Variants in FTO observed in about 807,000 individuals in gnomAD.
The protein encoded by FTO is FTO alpha-ketoglutarate dependent dioxygenase.
Under a neutral mutation model 63.9 loss-of-function variants are expected in FTO, and 47 were observed. That is an observed-to-expected ratio of 0.74 (90% CI 0.58 to 0.94). The LOEUF is 0.94. FTO is among the 40% of genes least tolerant of loss of function. The pLI, the probability that FTO is intolerant of heterozygous loss-of-function variation, is 0.00. For synonymous variants in FTO, 207 were observed against 224.4 expected (o/e 0.92, Z 0.69); for missense variants, 562 against 618.1 (o/e 0.91, Z 0.96).
At chr16:53,750,229 C>A (rs1197123238) in intron 1 of FTO, among the ~76,000 whole-genome samples, 2 of 151,360 alleles carry the variant, frequency 1.3e-5, no homozygotes, top group Non-Finnish European at 2.9e-5. Context: ...TTTTCTTTTT[C>A]TTTTTCTTTT....
intron 8 of FTO, among the ~76,000 whole-genome samples, chr16:54,087,108 G>A (rs2086269580): frequency 6.6e-6 from 1 of 152,246 alleles, no homozygotes; most frequent in Non-Finnish European, 1.5e-5. Flanking sequence ...GTTTGAGCAT[G>A]TGTGCCCAGC....
chr16:54,103,080 T>G (rs2086672906), intron 8 of FTO, among the ~76,000 whole-genome samples: 1 of 152,100 alleles, frequency 6.6e-6, no homozygotes, highest in Non-Finnish European at 1.5e-5. Flanking sequence ...GCCCAGGAGT[T>G]GGAGGCTTCA....
intron 1 of FTO, among the ~76,000 whole-genome samples, chr16:53,769,689 C>T (rs898188405): frequency 6.6e-6 from 1 of 151,712 alleles, no homozygotes; most frequent in Non-Finnish European, 1.5e-5. Flanking sequence ...TGCAACGTAC[C>T]CTAACTTGAT....
intron 8 of FTO, among the ~76,000 whole-genome samples, chr16:54,088,374 TC>T (rs1400736525): frequency 6.6e-6 from 1 of 152,230 alleles, no homozygotes; most frequent in Non-Finnish European, 1.5e-5. Flanking sequence ...GGATTTTGCT[TC>T]CAGGTTTTCA....
intron 8 of FTO, among the ~76,000 whole-genome samples, chr16:54,063,093 G>C (rs2085624871): frequency 6.6e-6 from 1 of 152,212 alleles, no homozygotes; most frequent in Non-Finnish European, 1.5e-5. Flanking sequence ...TTATGAAGTA[G>C]AACTGTGGAT....
At chr16:53,985,993 T>G (rs2143854893) in intron 8 of FTO, among the ~76,000 whole-genome samples, 1 of 152,342 alleles carries the variant, frequency 6.6e-6, no homozygotes, top group Non-Finnish European at 1.5e-5. Flanking sequence ...CTGACTGGAT[T>G]TAAGTCCTTT....
intron 7 of FTO, among the ~76,000 whole-genome samples, chr16:53,930,587 G>A (rs1279353280): frequency 1.3e-5 from 2 of 151,994 alleles, no homozygotes; most frequent in African/African-American, 2.4e-5. Flanking sequence ...TAAAAAATGA[G>A]CCAATTATCA....
intron 8 of FTO, chr16:54,013,343 G>A (rs1379397304): frequency 2.4e-5 from 3 of 126,934 alleles, no homozygotes; most frequent in African/African-American, 9.0e-5. Flanking sequence ...GCTTCTTATG[G>A]ATCAGCAAAG....
rs543650621 is a variant in FTO, at chr16:53,937,591, T to C, written c.1364+3482T>C. ...AAATGATTACCAAATTATATGGAAGTTTAACTGCAATCGTGAGTGAGAGGA... is the reference window on the plus strand; with the variant it reads ...AAATGATTACCAAATTATATGGAAGCTTAACTGCAATCGTGAGTGAGAGGA... On this transcript the variant is annotated intron_variant, in intron 8 of 8. Transcript: ENST00000471389. 1.2e-4 allele frequency: 28 copies of C among 233,270 alleles called. No individual in the cohort carries two copies. The East Asian group carries it at 1.4e-3, about 12-fold the overall frequency. The allele number at this position is 233,270 out of a possible 1,614,324, so 14.5% of individuals were successfully genotyped here.
intron 2 of FTO, among the ~76,000 whole-genome samples, chr16:53,811,080 C>T (rs948493484): frequency 6.6e-6 from 1 of 152,130 alleles, no homozygotes; most frequent in Non-Finnish European, 1.5e-5. Context: ...GTCAAATGCT[C>T]CTGTTTGCCC....
At chr16:53,793,575 C>T (rs76442450) in intron 1 of FTO, among the ~76,000 whole-genome samples, 14,015 of 152,160 alleles carry the variant, frequency 0.092, 900 homozygotes, top group African/African-American at 0.19. Flanking sequence ...TTAGGGAGTA[C>T]ATTTTAAAAG....
intron 1 of FTO, among the ~76,000 whole-genome samples, chr16:53,807,542 T>C (rs763799894): frequency 1.1e-4 from 17 of 152,142 alleles, no homozygotes; most frequent in Non-Finnish European, 1.9e-4. Context: ...TTAGGTGGAG[T>C]ATGTAATTAC....
chr16:54,001,372 G>A (rs745450347), intron 8 of FTO, among the ~76,000 whole-genome samples: 7 of 152,256 alleles, frequency 4.6e-5, no homozygotes, highest in South Asian at 4.1e-4. Context: ...TGGTATCTTC[G>A]TCTTCTGAGT....
chr16:54,039,828 G>A (rs1189636554), intron 8 of FTO: 2 of 152,128 alleles, frequency 1.3e-5, no homozygotes, highest in African/African-American at 4.8e-5. Flanking sequence ...CACTTATTAG[G>A]CCTCTTGCTT....
chr16:53,748,514 A>G (rs1430450351), intron 1 of FTO, among the ~76,000 whole-genome samples: 3 of 152,078 alleles, frequency 2.0e-5, no homozygotes, highest in African/African-American at 7.2e-5. Flanking sequence ...GAGTGCAGTG[A>G]TGTGATCTTG....
intron 1 of FTO, among the ~76,000 whole-genome samples, chr16:53,706,095 T>C (rs368282444): frequency 1.3e-4 from 20 of 152,330 alleles, no homozygotes; most frequent in East Asian, 1.2e-3. Context: ...TCCCATTTTC[T>C]GCTTGTGAAA....
intron 1 of FTO, among the ~76,000 whole-genome samples, chr16:53,792,102 A>T (rs1333310756): frequency 3.9e-5 from 6 of 152,038 alleles, no homozygotes; most frequent in Admixed American, 1.3e-4. Flanking sequence ...AATAAAAATA[A>T]AAAAAATAAA....
At chr16:53,879,656 A>G (rs2080766321) in intron 5 of FTO, among the ~76,000 whole-genome samples, 188 bp from the exon 6 acceptor site, 1 of 148,306 alleles carries the variant, frequency 6.7e-6, no homozygotes, top group Non-Finnish European at 1.5e-5. Flanking sequence ...ACTATACTCC[A>G]GCTTGGGTGA....
intron 8 of FTO, among the ~76,000 whole-genome samples, chr16:53,983,190 G>A (rs771947604): frequency 6.6e-6 from 1 of 151,876 alleles, no homozygotes; most frequent in Non-Finnish European, 1.5e-5. Flanking sequence ...CCATCCTAAC[G>A]GTAAAAGAGT....
Sources: gnomAD v4.1 joint callset for allele counts (sites outside exome capture counted in the v4.1 genomes callset) on GRCh38, gnomAD v4.1.1 for gene constraint, MANE v1.5 for transcripts, NCBI Gene and HGNC (gene_info 2026-07-23, HGNC 2026-07-21) for gene names.